Variants in LRRTM4 observed in about 807,000 individuals in gnomAD.
LRRTM4 encodes the protein leucine rich repeat transmembrane neuronal 4.
LRRTM4 carries 25 observed loss-of-function variants against 47.6 expected under a neutral mutation model. That is an observed-to-expected ratio of 0.53 (90% CI 0.38 to 0.73). The LOEUF (loss-of-function observed/expected upper bound fraction) is 0.73. LRRTM4 is among the 30% of genes least tolerant of loss of function. The pLI is 0.00. For synonymous variants in LRRTM4, 311 were observed against 269.5 expected (o/e 1.15, Z -1.51); for missense variants, 638 against 713.4 (o/e 0.89, Z 1.20).
chr2:76,880,658 T>A (rs1172895711), intron 3 of LRRTM4, among the ~76,000 whole-genome samples: 1 of 152,106 alleles, frequency 6.6e-6, no homozygotes, highest in Admixed American at 6.6e-5. Flanking sequence ...AAAAAACCTC[T>A]GTGGGGCCAG....
At position 76,748,905 on chromosome 2, in the gene LRRTM4, G is replaced by C. The variant is rs1186562355; in HGVS notation, c.1563C>G (p.His521Gln). ...SGSRECEMPHHMKPLPYYSYD... is the reference protein window; with the variant it reads ...SGSRECEMPHQMKPLPYYSYD... ...AGCTGTAATATGGCAAGGGCTTCAT[G>C]TGGTGTGGCATCTGGATATGAGAAA... Residue 521 changes from histidine (H) to glutamine (Q), a missense_variant, in exon 4 of 4, where the codon CAC (histidine) becomes CAG (glutamine). His to Gln is a conservative substitution (Grantham distance 24). Coordinates refer to ENST00000409884, the MANE Select transcript of LRRTM4 (RefSeq NM_001134745.3). 29 of 1,613,814 alleles carry C rather than the reference G, an allele frequency of 1.8e-5. No homozygotes were observed. Among genetic ancestry groups the C allele is most frequent in the Non-Finnish European group, 2.2e-5 (26 of 1,179,826 alleles).
At chr2:76,777,092 G>T (rs1205154207) in intron 3 of LRRTM4, among the ~76,000 whole-genome samples, 2 of 145,810 alleles carry the variant, frequency 1.4e-5, no homozygotes, top group African/African-American at 2.5e-5. Flanking sequence ...TATTTCTGAG[G>T]GCTCTGTTCT....
intron 3 of LRRTM4, among the ~76,000 whole-genome samples, chr2:77,238,127 A>T (rs1675156858): frequency 6.6e-6 from 1 of 152,164 alleles, no homozygotes; most frequent in Non-Finnish European, 1.5e-5. Context: ...TAAAATAAAA[A>T]ATAAGTTGGT....
At chr2:77,400,474 C>G (rs1274022272) in intron 3 of LRRTM4, among the ~76,000 whole-genome samples, 1 of 151,824 alleles carries the variant, frequency 6.6e-6, no homozygotes, top group African/African-American at 2.4e-5. Context: ...GGTCTGAGTT[C>G]AATACCCAAA....
chr2:77,067,467 G>T (rs1243389813), intron 3 of LRRTM4, among the ~76,000 whole-genome samples: 4 of 152,012 alleles, frequency 2.6e-5, no homozygotes, highest in Non-Finnish European at 5.9e-5. Flanking sequence ...GGCAGTGTGG[G>T]TGGGGGGCTG....
chr2:76,845,284 A>T (rs1404587167), intron 3 of LRRTM4, among the ~76,000 whole-genome samples: 1 of 152,176 alleles, frequency 6.6e-6, no homozygotes. Context: ...TGAGCCCAGG[A>T]GTTGGAGACT....
rs554679299 is a variant in LRRTM4, at chr2:76,985,804, C to T, written c.1552-236888G>A. Reference sequence around the variant, plus strand: ...AGTGGCTCTGTTAATGTACTACGCACGCATCATTTTTAATCATAAAAGAAT... The same window carrying T: ...AGTGGCTCTGTTAATGTACTACGCATGCATCATTTTTAATCATAAAAGAAT... On this transcript the variant is annotated intron_variant, in intron 3 of 3. Transcript: ENST00000409884. Among the ~76,000 whole-genome samples, 13 of 151,954 alleles carry T rather than the reference C, an allele frequency of 8.6e-5. No individual in the cohort carries two copies. In the East Asian group the frequency reaches 1.4e-3, roughly 16 times the overall value.
At chr2:77,233,393 AAAGTTAC>A (rs1472476124) in intron 3 of LRRTM4, among the ~76,000 whole-genome samples, 1 of 152,210 alleles carries the variant, frequency 6.6e-6, no homozygotes, top group East Asian at 1.9e-4. Flanking sequence ...TTGAAATATT[AAAGTTAC>A]CTCCATAATA....
At chr2:77,301,545 C>CT (rs1677133784) in intron 3 of LRRTM4, among the ~76,000 whole-genome samples, 1 of 152,016 alleles carries the variant, frequency 6.6e-6, no homozygotes, top group Non-Finnish European at 1.5e-5. Context: ...CAGAGCCATC[C>CT]TTTTTATTAA....
chr2:76,828,750 C>G (rs1332571002), intron 3 of LRRTM4, among the ~76,000 whole-genome samples: 1 of 151,866 alleles, frequency 6.6e-6, no homozygotes, highest in Non-Finnish European at 1.5e-5. Context: ...AAAACAGATT[C>G]ATCTTCTGTC....
At chr2:76,818,462 T>C (rs933791613) in intron 3 of LRRTM4, among the ~76,000 whole-genome samples, 3 of 151,864 alleles carry the variant, frequency 2.0e-5, no homozygotes, top group East Asian at 1.9e-4. Context: ...AAATGGTCTC[T>C]CAAACTCCTA....
Position 77,304,515 on chromosome 2 carries a change from G to GA in LRRTM4, c.1551+213802dup, listed in dbSNP as rs139406613. Among the ~76,000 whole-genome samples the GA allele has an allele frequency of 5.3e-5, 8 of 151,354 alleles. No homozygotes were observed. The East Asian group carries it at 5.8e-4, about 11-fold the overall frequency. Reference sequence around the variant, plus strand: ...TCCATGAAACAACTGAGAATAAATGGAAAAAAAATAGTCAGCTGGCAAACC... The same window carrying GA: ...TCCATGAAACAACTGAGAATAAATGGAAAAAAAAATAGTCAGCTGGCAAACC... On this transcript the variant is annotated intron_variant, in intron 3 of 3. Transcript: ENST00000409884.
At chr2:77,372,049 T>C (rs1028898668) in intron 3 of LRRTM4, among the ~76,000 whole-genome samples, 2 of 151,720 alleles carry the variant, frequency 1.3e-5, no homozygotes, top group Non-Finnish European at 2.9e-5. Flanking sequence ...ATGGTGCATG[T>C]GGTACTGTGC....
intron 3 of LRRTM4, among the ~76,000 whole-genome samples, chr2:76,998,197 A>G (rs1240894099): frequency 6.6e-6 from 1 of 152,132 alleles, no homozygotes; most frequent in Non-Finnish European, 1.5e-5. Flanking sequence ...CTGGTGCCAG[A>G]AATGGTTGGG....
At chr2:77,012,436 T>A (rs1677909524) in intron 3 of LRRTM4, among the ~76,000 whole-genome samples, 1 of 152,110 alleles carries the variant, frequency 6.6e-6, no homozygotes, top group African/African-American at 2.4e-5. Flanking sequence ...CCTTCCACTT[T>A]TCATCTTCTC....
intron 3 of LRRTM4, among the ~76,000 whole-genome samples, chr2:77,013,949 G>C (rs1431309045): frequency 6.6e-6 from 1 of 152,174 alleles, no homozygotes; most frequent in African/African-American, 2.4e-5. Context: ...ATTTAAGGGA[G>C]TTTGACAATA....
chr2:77,227,906 C>T (rs1178924407), intron 3 of LRRTM4, among the ~76,000 whole-genome samples: 1 of 151,830 alleles, frequency 6.6e-6, no homozygotes, highest in Non-Finnish European at 1.5e-5. Context: ...TTTTTTCTTA[C>T]AAAATGAGAT....
chr2:76,851,310 C>T (rs577705920), intron 3 of LRRTM4, among the ~76,000 whole-genome samples: 2 of 152,220 alleles, frequency 1.3e-5, no homozygotes, highest in African/African-American at 4.8e-5. Context: ...AAAAATGATG[C>T]CATTCAAGCT....
chr2:76,828,862 A>T (rs1289518292), intron 3 of LRRTM4, among the ~76,000 whole-genome samples: 11 of 151,860 alleles, frequency 7.2e-5, no homozygotes, highest in Non-Finnish European at 1.6e-4. Flanking sequence ...CCCATCTTTA[A>T]TCCTGGCTGT....
Sources: allele counts gnomAD v4.1 joint callset (sites outside exome capture counted in the v4.1 genomes callset), GRCh38; gene constraint gnomAD v4.1.1; transcripts MANE v1.5; gene names NCBI Gene and HGNC (gene_info 2026-07-23, HGNC 2026-07-21).